The following SLC24A2 variants were observed in gnomAD, a reference collection of about 807,000 sequenced individuals.
SLC24A2 encodes the protein sodium/potassium/calcium exchanger 2.
SLC24A2 carries 36 observed loss-of-function variants against 62.0 expected under a neutral mutation model. The observed-to-expected ratio is 0.58, with a 90% CI of 0.44 to 0.77. The LOEUF (loss-of-function observed/expected upper bound fraction) is 0.77. Ranked by LOEUF, SLC24A2 falls within the 30% of genes least tolerant of loss-of-function variation. The pLI, the probability that SLC24A2 is intolerant of heterozygous loss-of-function variation, is 0.00. For synonymous variants in SLC24A2, 358 were observed against 294.0 expected, an observed-to-expected ratio of 1.22 and a Z score of -2.23; for missense variants, 846 against 817.9, an observed-to-expected ratio of 1.03 and a Z score of -0.42.
chr9:19,685,074 C>T (rs1819840884), intron 2 of SLC24A2, among the ~76,000 whole-genome samples: 1 of 152,014 alleles, frequency 6.6e-6, no homozygotes, highest in African/African-American at 2.4e-5. Flanking sequence ...GACTGCGCCA[C>T]TGGAGCATGC....
chr9:20,052,856 G>A, the SLC24A2 span, among the ~76,000 whole-genome samples: 2 of 152,042 alleles, frequency 1.3e-5, no homozygotes, highest in Non-Finnish European at 2.9e-5. Flanking sequence ...AGACTTCCTG[G>A]GGCATCAAAA....
the SLC24A2 span, among the ~76,000 whole-genome samples, chr9:20,081,051 A>G: frequency 3.3e-5 from 5 of 152,222 alleles, no homozygotes; most frequent in Non-Finnish European, 5.9e-5. Context: ...TAGTTCAACC[A>G]TTGTGGAAGT....
At chr9:19,518,528 T>A (rs1159855178) in intron 10 of SLC24A2, among the ~76,000 whole-genome samples, 1 of 151,972 alleles carries the variant, frequency 6.6e-6, no homozygotes, top group East Asian at 1.9e-4. Flanking sequence ...TTCAAGCGAT[T>A]CTCCTGCCTC....
chr9:20,162,135 G>T, the SLC24A2 span, among the ~76,000 whole-genome samples: 2 of 151,668 alleles, frequency 1.3e-5, no homozygotes, highest in Non-Finnish European at 3.0e-5. Flanking sequence ...TGAACCTGTA[G>T]TCTCAGGTAT....
At chr9:20,247,206 C>T in the SLC24A2 span, among the ~76,000 whole-genome samples, 2 of 152,148 alleles carry the variant, frequency 1.3e-5, no homozygotes, top group African/African-American at 4.8e-5. Flanking sequence ...TAACTGAGGG[C>T]ATTTCCTGAC....
intron 2 of SLC24A2, among the ~76,000 whole-genome samples, chr9:19,631,848 C>T (rs1818188229): frequency 6.6e-6 from 1 of 152,122 alleles, no homozygotes; most frequent in African/African-American, 2.4e-5. Context: ...CTGTACGGGT[C>T]CTTTAACCTG....
chr9:19,790,916 C>T (rs1823312755), upstream of SLC24A2, among the ~76,000 whole-genome samples: 1 of 152,078 alleles, frequency 6.6e-6, no homozygotes, highest in African/African-American at 2.4e-5. Flanking sequence ...TCAGGTTTTT[C>T]CCCTACAGCT....
At chr9:20,257,395 GC>G in the SLC24A2 span, among the ~76,000 whole-genome samples, 1 of 152,084 alleles carries the variant, frequency 6.6e-6, no homozygotes, top group Admixed American at 6.6e-5. Context: ...AAGTCCTGGT[GC>G]CCTTTTTTTT....
chr9:20,049,836 C>G, the SLC24A2 span, among the ~76,000 whole-genome samples: 1 of 152,192 alleles, frequency 6.6e-6, no homozygotes, highest in South Asian at 2.1e-4. Context: ...CGCACTGCAT[C>G]TGTTACAGAG....
chr9:19,919,381 G>T, the SLC24A2 span, among the ~76,000 whole-genome samples: 278 of 152,218 alleles, frequency 1.8e-3, no homozygotes, highest in African/African-American at 6.3e-3. Flanking sequence ...TGGACATTGT[G>T]ATGTGCTTTT....
the SLC24A2 span, among the ~76,000 whole-genome samples, chr9:20,209,574 C>G: frequency 6.6e-6 from 1 of 152,138 alleles, no homozygotes; most frequent in Non-Finnish European, 1.5e-5. Flanking sequence ...ACCAACACCC[C>G]CAGACTGGGG....
chr9:19,904,364 T>C, the SLC24A2 span, among the ~76,000 whole-genome samples: 2 of 152,300 alleles, frequency 1.3e-5, no homozygotes, highest in Admixed American at 1.3e-4. Context: ...AGCCATGTGC[T>C]CTCTTAGAGA....
chr9:20,162,771 G>C, the SLC24A2 span, among the ~76,000 whole-genome samples: 1 of 152,076 alleles, frequency 6.6e-6, no homozygotes, highest in Non-Finnish European at 1.5e-5. Flanking sequence ...ACATCAAAAA[G>C]CTTATACATC....
At chr9:19,827,241 G>A in the SLC24A2 span, among the ~76,000 whole-genome samples, 1 of 152,168 alleles carries the variant, frequency 6.6e-6, no homozygotes, top group Non-Finnish European at 1.5e-5. Context: ...GCATCTTGAT[G>A]AGATAAGTAT....
At chr9:20,066,972 T>A in the SLC24A2 span, among the ~76,000 whole-genome samples, 2 of 152,156 alleles carry the variant, frequency 1.3e-5, no homozygotes, top group African/African-American at 4.8e-5. Flanking sequence ...TTCCAACCCA[T>A]TTAACACACT....
intron 2 of SLC24A2, among the ~76,000 whole-genome samples, chr9:19,660,820 TATCTTATTTAACCCTC>T (rs1272414021): frequency 1.1e-4 from 17 of 152,198 alleles, no homozygotes; most frequent in African/African-American, 4.1e-4. Context: ...CTTTATAGGT[TATCTTATTTAACCCTC>T]ATGAAACTTT....
the SLC24A2 span, among the ~76,000 whole-genome samples, chr9:19,852,626 T>C: frequency 6.6e-6 from 1 of 152,136 alleles, no homozygotes; most frequent in Non-Finnish European, 1.5e-5. Flanking sequence ...TATCAGATGA[T>C]TGTAGATGTG....
the SLC24A2 span, among the ~76,000 whole-genome samples, chr9:20,038,999 A>T: frequency 6.6e-6 from 1 of 152,356 alleles, no homozygotes; most frequent in Non-Finnish European, 1.5e-5. Context: ...TGGAAATTCA[A>T]CATAATATAA....
intron 4 of SLC24A2, among the ~76,000 whole-genome samples, chr9:19,607,402 G>C (rs1837015115): frequency 6.6e-6 from 1 of 151,964 alleles, no homozygotes; most frequent in South Asian, 2.1e-4. Context: ...TGATATCTTT[G>C]AGCTCAAATG....
Sources: gnomAD v4.1 joint callset for allele counts (sites outside exome capture counted in the v4.1 genomes callset) on GRCh38, gnomAD v4.1.1 for gene constraint, MANE v1.5 for transcripts, NCBI Gene and HGNC (gene_info 2026-07-23, HGNC 2026-07-21) for gene names.